The following DAGLA variants were observed in gnomAD, a reference collection of about 807,000 sequenced individuals.
The protein encoded by DAGLA is diacylglycerol lipase alpha.
A neutral mutation model predicts 102.6 loss-of-function variants in DAGLA; 22 were observed. The ratio of observed to expected loss-of-function variants is 0.21; its 90% CI spans 0.15 to 0.31. The LOEUF (loss-of-function observed/expected upper bound fraction) is 0.31, where lower values mean the gene tolerates loss of function less well. Ranked by LOEUF, DAGLA falls within the 10% of genes least tolerant of loss-of-function variation. DAGLA has a pLI of 1.00. For synonymous variants in DAGLA, 578 were observed against 628.9 expected, an observed-to-expected ratio of 0.92 and a Z score of 1.21; for missense variants, 927 against 1,446.6, an observed-to-expected ratio of 0.64 and a Z score of 5.83.
In DAGLA at chr11:61,734,819, G is replaced by A; in HGVS notation, c.975-30G>A. 1.2e-6 allele frequency: 2 copies of A among 1,600,494 alleles called. No homozygotes were observed. The highest frequency in any genetic ancestry group is 2.2e-5 in the East Asian group (1 of 44,552). Reference sequence around the variant, plus strand: ...CATTTGTTCCCTCGGGGACTCCCTGGCCCTGAACTCTCTTGTCACCCCACC... The same window carrying A: ...CATTTGTTCCCTCGGGGACTCCCTGACCCTGAACTCTCTTGTCACCCCACC... On this transcript the variant is annotated intron_variant, in intron 9 of 19. Transcript: ENST00000257215. This position sits in a 1 kb window ranked among gnomAD's most constrained non-coding sequence, Gnocchi z 4.2.
chr11:61,704,622 C>G (rs1053207105), intron 1 of DAGLA, among the ~76,000 whole-genome samples: 5 of 152,020 alleles, frequency 3.3e-5, no homozygotes, highest in Admixed American at 6.5e-5. Flanking sequence ...TGGTTTGTGT[C>G]GGGAGAGTAA....
chr11:61,743,174 C>G (rs1591056692), intron 19 of DAGLA, among the ~76,000 whole-genome samples: 1 of 152,066 alleles, frequency 6.6e-6, no homozygotes, highest in Admixed American at 6.5e-5. Context: ...ACCATCCTGG[C>G]TAACATGGTG....
At position 61,728,212 on chromosome 11, in the gene DAGLA, G is replaced by A. The variant is rs765776530; in HGVS notation, c.696G>A (p.Val232=). The A allele has an allele frequency of 5.6e-6, 9 of 1,614,008 alleles. No homozygotes were observed. In the African/African-American group the frequency reaches 1.2e-4, roughly 22 times the overall value. Residue 232 remains valine (V), a synonymous_variant, in exon 7 of 20, where the codon GTG becomes GTA. Transcript: ENST00000257215. ...FAEFFRDLDI[V]PSDIIAGLVL... The stretch of plus-strand genomic sequence containing the variant: ...AGTTCTTCCGGGACCTTGACATTGT[G>A]CCATCCGACATCATTGCTGGCCTGG...
intron 1 of DAGLA, among the ~76,000 whole-genome samples, chr11:61,705,056 A>C (rs988617963): frequency 4.6e-5 from 7 of 152,078 alleles, no homozygotes; most frequent in African/African-American, 1.7e-4. Flanking sequence ...GGGAGGACAC[A>C]GACTTCACCT....
chr11:61,723,719 TGC>T, intron 5 of DAGLA, 147 bp downstream of exon 5: 2 of 944,374 alleles, frequency 2.1e-6, no homozygotes, highest in Non-Finnish European at 3.1e-6. Flanking sequence ...AGGGCTTAAC[TGC>T]TCCCTGCCTC....
At chr11:61,739,684 G>T (rs1392685774) in intron 17 of DAGLA, 23 bp downstream of exon 17, 1 of 1,608,774 alleles carries the variant, frequency 6.2e-7, no homozygotes, top group Non-Finnish European at 8.5e-7. Flanking sequence ...AGGGTCTGCT[G>T]CTGCAGGGGG....
At chr11:61,680,527 C>A (rs2064932378) in intron 1 of DAGLA, 23 bp downstream of exon 1, 1 of 149,286 alleles carries the variant, frequency 6.7e-6, no homozygotes, top group Non-Finnish European at 1.5e-5. Context: ...TCCGGCGCGG[C>A]GGGCCGGTCC....
At chr11:61,707,696 T>C (rs2065160886) in intron 1 of DAGLA, among the ~76,000 whole-genome samples, 1 of 152,214 alleles carries the variant, frequency 6.6e-6, no homozygotes, top group African/African-American at 2.4e-5. Context: ...GTGGAGGCCA[T>C]GTCGGGGCGG....
chr11:61,711,023 G>T (rs1047426974), intron 1 of DAGLA, among the ~76,000 whole-genome samples: 1 of 152,180 alleles, frequency 6.6e-6, no homozygotes, highest in Admixed American at 6.5e-5. Flanking sequence ...GGCAGGCCTC[G>T]GTCAGCTCAT....
chr11:61,719,972 G>T, intron 1 of DAGLA, 140 bp from the exon 2 acceptor site: 1 of 612,728 alleles, frequency 1.6e-6, no homozygotes, highest in Non-Finnish European at 2.9e-6. Context: ...CCGGAGGTGG[G>T]TCAGCACTTC....
chr11:61,685,077 G>T (rs1244131921), intron 1 of DAGLA, among the ~76,000 whole-genome samples: 1 of 152,084 alleles, frequency 6.6e-6, no homozygotes, highest in Non-Finnish European at 1.5e-5. Context: ...CTGGAAGTCA[G>T]CTGGGGACAG....
Position 61,734,891 on chromosome 11 carries a change from C to T in DAGLA, c.1017C>T (p.Val339=). 1 of 1,614,112 alleles carries T rather than the reference C, an allele frequency of 6.2e-7. No individual in the cohort carries two copies. Among genetic ancestry groups the T allele is most frequent in the Non-Finnish European group, 8.5e-7 (1 of 1,179,958 alleles). Residue 339 remains valine, a synonymous_variant, in exon 10 of 20, where the codon GTC becomes GTT. Coordinates refer to ENST00000257215, the MANE Select transcript of DAGLA (RefSeq NM_006133.3). This position sits in a 1 kb window ranked among gnomAD's most constrained non-coding sequence, Gnocchi z 4.2. ...CGAGGCCGCGGTTCGCCCCTGGAGT[C>T]ACCATCGAGGAAGACAACTGCTGTG... ...CPARPRFAPG[V]TIEEDNCCGC...
chr11:61,728,548 G>T (rs1029876663), intron 7 of DAGLA, among the ~76,000 whole-genome samples: 11 of 152,194 alleles, frequency 7.2e-5, no homozygotes, highest in African/African-American at 2.7e-4. Flanking sequence ...GCCCTCAAAG[G>T]ACTTCTAACC....
intron 1 of DAGLA, among the ~76,000 whole-genome samples, chr11:61,708,384 C>CTT (rs572932021): frequency 7.0e-6 from 1 of 143,108 alleles, no homozygotes. Context: ...CACTTTACAA[C>CTT]TTTTTTTTTT....
chr11:61,698,450 A>G (rs933755646), intron 1 of DAGLA, among the ~76,000 whole-genome samples: 2 of 152,182 alleles, frequency 1.3e-5, no homozygotes, highest in African/African-American at 4.8e-5. Context: ...CCCCCCTGCT[A>G]ACTTTGGTTT....
chr11:61,680,689 A>G (rs1325341325), intron 1 of DAGLA, among the ~76,000 whole-genome samples, 185 bp downstream of exon 1: 3 of 151,328 alleles, frequency 2.0e-5, no homozygotes, highest in East Asian at 2.0e-4. Context: ...CAGCGTGGGG[A>G]TGGTGACACG....
At chr11:61,692,168 C>G (rs550574208) in intron 1 of DAGLA, among the ~76,000 whole-genome samples, 1 of 152,312 alleles carries the variant, frequency 6.6e-6, no homozygotes, top group East Asian at 1.9e-4. Flanking sequence ...AGGGCCTGCA[C>G]AGGTGCCCAC....
chr11:61,736,849 A>G (rs2065427031), intron 13 of DAGLA, among the ~76,000 whole-genome samples: 1 of 152,202 alleles, frequency 6.6e-6, no homozygotes, highest in Non-Finnish European at 1.5e-5. Context: ...GGGTCAGGTA[A>G]CCACATGTTT....
At chr11:61,683,516 G>A (rs2135544590) in intron 1 of DAGLA, among the ~76,000 whole-genome samples, 1 of 152,316 alleles carries the variant, frequency 6.6e-6, no homozygotes, top group East Asian at 1.9e-4. Context: ...CCTCCCTGTT[G>A]TGAATATTCA....
Sources: gnomAD v4.1 joint callset for allele counts (sites outside exome capture counted in the v4.1 genomes callset) on GRCh38, gnomAD v4.1.1 for gene constraint, Gnocchi (gnomAD v3.1) non-coding constraint, MANE v1.5 for transcripts, NCBI Gene and HGNC (gene_info 2026-07-23, HGNC 2026-07-21) for gene names.